Variants in RSF1 observed in about 807,000 individuals in gnomAD.
RSF1 encodes the protein HBV pX-associated protein 8.
Under a neutral mutation model 145.2 loss-of-function variants are expected in RSF1, and 13 were observed. The observed-to-expected ratio is 0.09, with a 90% CI of 0.06 to 0.14. RSF1 has a LOEUF of 0.14. Ranked by LOEUF, RSF1 falls within the 10% of genes least tolerant of loss-of-function variation. The pLI, the probability that RSF1 is intolerant of heterozygous loss-of-function variation, is 1.00. For missense variants in RSF1, 1,517 were observed against 1,718.2 expected, an observed-to-expected ratio of 0.88 and a Z score of 2.07; for synonymous variants, 577 against 592.6, an observed-to-expected ratio of 0.97 and a Z score of 0.38.
chr11:77,670,678 T>A (rs576393186), intron 15 of RSF1, among the ~76,000 whole-genome samples: 1 of 152,268 alleles, frequency 6.6e-6, no homozygotes, highest in South Asian at 2.1e-4. Context: ...CACATGAAGG[T>A]AAGTACACAT....
chr11:77,869,667 A>G, the RSF1 span: 1 of 1,479,312 alleles, frequency 6.8e-7, no homozygotes, highest in South Asian at 1.1e-5. Context: ...AAGAATGCCT[A>G]TTGCAATGAA....
chr11:77,676,817 C>G lies in RSF1; in HGVS notation c.3316G>C (p.Glu1106Gln), dbSNP rs142438954. ...CCATCACTGATCTTGAATTCATCCTCGCTCTCTTCTTCATCCAGGTTGCTA... is the reference window on the plus strand; with the variant it reads ...CCATCACTGATCTTGAATTCATCCTGGCTCTCTTCTTCATCCAGGTTGCTA... ...SDSNLDEEES[E>Q]DEFKISDGSQ... Residue 1106 changes from glutamate to glutamine, a missense_variant, in exon 13 of 16, where the codon GAG (glutamate) becomes CAG (glutamine). This residue lies in a region of RSF1 where 231 missense variants were observed against 276.6 expected (regional missense o/e 0.84). Coordinates refer to ENST00000308488, the MANE Select transcript of RSF1 (RefSeq NM_016578.4). 6 of 1,613,718 alleles carry G rather than the reference C, an allele frequency of 3.7e-6. No homozygotes were observed. The African/African-American group carries it at 5.3e-5, about 14-fold the overall frequency.
At chr11:77,731,766 G>A (rs1277491385) in intron 4 of RSF1, among the ~76,000 whole-genome samples, 2 of 152,272 alleles carry the variant, frequency 1.3e-5, no homozygotes, top group Non-Finnish European at 2.9e-5. Context: ...ATGTGGTGCT[G>A]AACCTGTGAA....
chr11:77,694,931 G>A lies in RSF1; in HGVS notation c.2716-1320C>T, dbSNP rs943511679. ...TGATGTTTACTCATGATTAGACTGG[G>A]GTTCTGGGTTTTGGAGAAGAGCCTA... is the stretch of plus-strand genomic sequence containing the variant. On this transcript the variant is annotated intron_variant, in intron 7 of 15. Transcript: ENST00000308488. Among the ~76,000 whole-genome samples the A allele has an allele frequency of 6.6e-5, 10 of 152,248 alleles. No homozygotes were observed. In the South Asian group the frequency reaches 1.2e-3, roughly 19 times the overall value.
intron 11 of RSF1, among the ~76,000 whole-genome samples, chr11:77,681,320 T>C (rs1380254112): frequency 3.9e-5 from 6 of 152,236 alleles, no homozygotes; most frequent in Admixed American, 3.3e-4. Flanking sequence ...TTATTTATAC[T>C]CTACCTAGTT....
At chr11:77,785,957 A>AAT (rs1565180189) in intron 1 of RSF1, among the ~76,000 whole-genome samples, 14 of 141,808 alleles carry the variant, frequency 9.9e-5, no homozygotes, top group African/African-American at 2.9e-4. Flanking sequence ...AAAAAAAAGA[A>AAT]TTATACGTAG....
At chr11:77,748,132 T>C (rs185164390) in intron 2 of RSF1, among the ~76,000 whole-genome samples, 90 of 152,174 alleles carry the variant, frequency 5.9e-4, no homozygotes, top group Admixed American at 1.3e-3. Flanking sequence ...TTCATCGATT[T>C]GTGCAATAAA....
intron 1 of RSF1, among the ~76,000 whole-genome samples, chr11:77,802,380 T>C (rs886232306): frequency 6.6e-6 from 1 of 152,116 alleles, no homozygotes; most frequent in African/African-American, 2.4e-5. Flanking sequence ...GTGGTAACTC[T>C]AGGTAGTAAG....
At chr11:77,731,860 C>T (rs571467020) in intron 4 of RSF1, among the ~76,000 whole-genome samples, 2 of 152,352 alleles carry the variant, frequency 1.3e-5, no homozygotes, top group South Asian at 4.1e-4. Context: ...GCAGAAGTTT[C>T]CTGCAGGGGT....
intron 1 of RSF1, among the ~76,000 whole-genome samples, chr11:77,817,744 G>T (rs777589875): frequency 1.3e-5 from 2 of 152,158 alleles, no homozygotes; most frequent in Non-Finnish European, 2.9e-5. Context: ...CAACTTCAGA[G>T]AACAGTTGCA....
intron 5 of RSF1, among the ~76,000 whole-genome samples, chr11:77,711,866 T>C (rs111854282): frequency 7.9e-5 from 12 of 152,262 alleles, no homozygotes; most frequent in African/African-American, 2.6e-4. Flanking sequence ...TGTCTCAGTG[T>C]ATTCTTTTTT....
At chr11:77,820,010 G>A (rs556225319) in intron 1 of RSF1, among the ~76,000 whole-genome samples, 1 of 152,314 alleles carries the variant, frequency 6.6e-6, no homozygotes, top group South Asian at 2.1e-4. Flanking sequence ...TTGAGTGTCC[G>A]CTGGCCCCCG....
intron 13 of RSF1, among the ~76,000 whole-genome samples, chr11:77,675,832 G>A (rs1037760964): frequency 6.6e-6 from 1 of 152,138 alleles, no homozygotes; most frequent in Non-Finnish European, 1.5e-5. Context: ...TGAATGCCAG[G>A]ATGAATCTTT....
chr11:77,863,343 G>A, the RSF1 span, among the ~76,000 whole-genome samples: 96 of 152,262 alleles, frequency 6.3e-4, no homozygotes, highest in East Asian at 0.01. Context: ...CTGTGATGGC[G>A]GCAAAGAGCA....
At chr11:77,781,133 C>T (rs1347021447) in intron 1 of RSF1, among the ~76,000 whole-genome samples, 1 of 151,772 alleles carries the variant, frequency 6.6e-6, no homozygotes, top group African/African-American at 2.4e-5. Flanking sequence ...GAGAATCTCA[C>T]TCTGTCACAC....
rs764876185 is a variant in RSF1 at position 77,790,458 on chromosome 11, C to T, written c.188-25769G>A. Among the ~76,000 whole-genome samples, 8 of 152,096 alleles carry T rather than the reference C, an allele frequency of 5.3e-5. No homozygotes were observed. The East Asian group carries it at 9.6e-4, about 18-fold the overall frequency. The stretch of plus-strand genomic sequence containing the variant: ...ACAGCCAAGCCATATCATCCTGCCC[C>T]GGCCCCTCCCAAATCTCATGTCCTC... On this transcript the variant is annotated intron_variant, in intron 1 of 15. Transcript: ENST00000308488.
intron 1 of RSF1, among the ~76,000 whole-genome samples, chr11:77,772,983 A>G (rs1381475597): frequency 6.6e-6 from 1 of 152,198 alleles, no homozygotes; most frequent in Non-Finnish European, 1.5e-5. Context: ...TATGAATCAA[A>G]CCACTTTCTG....
chr11:77,689,055 G>A (rs1960082778), intron 9 of RSF1, among the ~76,000 whole-genome samples: 1 of 152,208 alleles, frequency 6.6e-6, no homozygotes, highest in Admixed American at 6.5e-5. Flanking sequence ...TAAAGAAGTA[G>A]CAAATGAAGG....
intron 1 of RSF1, among the ~76,000 whole-genome samples, chr11:77,817,245 T>C (rs1181221062): frequency 6.6e-6 from 1 of 152,194 alleles, no homozygotes; most frequent in Non-Finnish European, 1.5e-5. Flanking sequence ...ACAAATAATG[T>C]TTTTACTTCA....
Sources: allele counts gnomAD v4.1 joint callset (sites outside exome capture counted in the v4.1 genomes callset), GRCh38; gene constraint gnomAD v4.1.1; regional missense constraint gnomAD v4.1.1; transcripts MANE v1.5; gene names NCBI Gene and HGNC (gene_info 2026-07-23, HGNC 2026-07-21).